The following GABRG3 variants were observed in gnomAD, a reference collection of about 807,000 sequenced individuals.
The protein encoded by GABRG3 is gamma-aminobutyric acid receptor subunit gamma-3.
In GABRG3, 25 loss-of-function variants were observed where a neutral mutation model predicts 48.8. That is an observed-to-expected ratio of 0.51 (90% CI 0.37 to 0.72). The LOEUF (loss-of-function observed/expected upper bound fraction) is 0.72. GABRG3 is among the 30% of genes least tolerant of loss of function. The pLI, the probability that GABRG3 is intolerant of heterozygous loss-of-function variation, is 0.00. For missense variants in GABRG3, 394 were observed against 577.9 expected, an observed-to-expected ratio of 0.68 and a Z score of 3.26; for synonymous variants, 227 against 217.6, an observed-to-expected ratio of 1.04 and a Z score of -0.38.
At chr15:27,409,119 C>G (rs572874817) in intron 5 of GABRG3, among the ~76,000 whole-genome samples, 1 of 151,962 alleles carries the variant, frequency 6.6e-6, no homozygotes, top group East Asian at 1.9e-4. Flanking sequence ...TTGATGAAAT[C>G]CAACTTAATA....
At chr15:27,207,426 A>G (rs1008654061) in intron 3 of GABRG3, among the ~76,000 whole-genome samples, 2 of 152,242 alleles carry the variant, frequency 1.3e-5, no homozygotes, top group Non-Finnish European at 2.9e-5. Flanking sequence ...CCAAAGATTC[A>G]CATTTTGAAA....
chr15:27,189,874 G>A (rs973395814), intron 3 of GABRG3, among the ~76,000 whole-genome samples: 2 of 152,054 alleles, frequency 1.3e-5, no homozygotes, highest in African/African-American at 4.8e-5. Flanking sequence ...GTCATAGATA[G>A]CTCTTATTAT....
intron 2 of GABRG3, among the ~76,000 whole-genome samples, chr15:26,997,010 A>G (rs920032286): frequency 2.6e-5 from 4 of 152,014 alleles, no homozygotes; most frequent in African/African-American, 9.7e-5. Flanking sequence ...GTTTTTCATC[A>G]TTCCTTTTTC....
At chr15:27,504,543 T>C (rs1890718754) in intron 6 of GABRG3, among the ~76,000 whole-genome samples, 1 of 152,230 alleles carries the variant, frequency 6.6e-6, no homozygotes, top group African/African-American at 2.4e-5. Flanking sequence ...TTATACATTT[T>C]ACTTTTGCAT....
chr15:27,218,454 A>C (rs910671746), intron 3 of GABRG3, among the ~76,000 whole-genome samples: 2 of 152,172 alleles, frequency 1.3e-5, no homozygotes, highest in Admixed American at 6.5e-5. Flanking sequence ...CTTTTGCTCA[A>C]AATAATCCAC....
chr15:27,233,588 G>C (rs778750309), intron 3 of GABRG3, among the ~76,000 whole-genome samples: 8 of 152,060 alleles, frequency 5.3e-5, no homozygotes, highest in South Asian at 2.1e-4. Flanking sequence ...CATCACGAAG[G>C]CTCCACCCTC....
intron 6 of GABRG3, among the ~76,000 whole-genome samples, chr15:27,515,344 C>G (rs1335125182): frequency 6.6e-6 from 1 of 152,022 alleles, no homozygotes; most frequent in Non-Finnish European, 1.5e-5. Flanking sequence ...TCCACCTAAC[C>G]CGGCTTCCCA....
intron 6 of GABRG3, among the ~76,000 whole-genome samples, chr15:27,505,150 G>A: frequency 6.6e-6 from 1 of 151,622 alleles, no homozygotes; most frequent in East Asian, 1.9e-4. Context: ...TTTTTTTTAT[G>A]ACCTTGACAC....
chr15:27,196,429 T>G (rs1888498470), intron 3 of GABRG3, among the ~76,000 whole-genome samples: 1 of 152,188 alleles, frequency 6.6e-6, no homozygotes, highest in Non-Finnish European at 1.5e-5. Context: ...GGGCTCAGCC[T>G]TGCCATTTCT....
At chr15:27,004,317 G>A (rs952084938) in intron 2 of GABRG3, among the ~76,000 whole-genome samples, 1 of 151,698 alleles carries the variant, frequency 6.6e-6, no homozygotes, top group African/African-American at 2.4e-5. Flanking sequence ...ACGGGGTGGC[G>A]GGGCAGAGGC....
intron 5 of GABRG3, among the ~76,000 whole-genome samples, chr15:27,355,444 ACTAGGATGG>A (rs2140540940): frequency 6.6e-6 from 1 of 152,324 alleles, no homozygotes; most frequent in East Asian, 1.9e-4. Context: ...CTTCCCACCC[ACTAGGATGG>A]CTATAACACA....
At chr15:27,362,484 G>T (rs1895056555) in intron 5 of GABRG3, 2 of 152,182 alleles carry the variant, frequency 1.3e-5, no homozygotes, top group South Asian at 2.1e-4. Flanking sequence ...AAATCAAAAT[G>T]CTGTGACCTT....
intron 5 of GABRG3, among the ~76,000 whole-genome samples, chr15:27,425,381 G>T (rs1256627605): frequency 6.6e-6 from 1 of 150,620 alleles, no homozygotes; most frequent in Non-Finnish European, 1.5e-5. Flanking sequence ...GAGGCAGGCG[G>T]ATCACGAGGT....
At chr15:27,226,255 T>C (rs1440116562) in intron 3 of GABRG3, among the ~76,000 whole-genome samples, 1 of 152,102 alleles carries the variant, frequency 6.6e-6, no homozygotes, top group Non-Finnish European at 1.5e-5. Context: ...CACAGGTCCA[T>C]ACCTCTCACT....
intron 2 of GABRG3, among the ~76,000 whole-genome samples, chr15:26,983,152 C>CTT (rs34171008): frequency 6.8e-6 from 1 of 146,550 alleles, no homozygotes; most frequent in Admixed American, 6.8e-5. Context: ...TTTCTCATGA[C>CTT]TTTTTTTTTT....
chr15:27,195,359 G>T (rs1888462200), intron 3 of GABRG3, among the ~76,000 whole-genome samples: 1 of 151,974 alleles, frequency 6.6e-6, no homozygotes, highest in Non-Finnish European at 1.5e-5. Context: ...CTGTCCATCT[G>T]TCTCACTCTG....
chr15:27,132,417 C>A (rs911034331), intron 3 of GABRG3, among the ~76,000 whole-genome samples: 1 of 123,580 alleles, frequency 8.1e-6, no homozygotes, highest in Non-Finnish European at 1.7e-5. Context: ...TGTTCCTGGG[C>A]TTTTTCTTGT....
At chr15:27,322,366 T>G (rs909907291) in intron 3 of GABRG3, among the ~76,000 whole-genome samples, 1 of 151,904 alleles carries the variant, frequency 6.6e-6, no homozygotes, top group Non-Finnish European at 1.5e-5. Context: ...GGGACAGGGG[T>G]GGGGATTCCC....
At chr15:27,034,818 C>T (rs1330427276) in intron 3 of GABRG3, among the ~76,000 whole-genome samples, 3 of 152,164 alleles carry the variant, frequency 2.0e-5, no homozygotes, top group Admixed American at 6.5e-5. Flanking sequence ...CACGTGCATG[C>T]CTGCTAGTCT....
Sources: allele counts gnomAD v4.1 joint callset (sites outside exome capture counted in the v4.1 genomes callset), GRCh38; gene constraint gnomAD v4.1.1; transcripts MANE v1.5; gene names NCBI Gene and HGNC (gene_info 2026-07-23, HGNC 2026-07-21).